The following RYR3 variants were observed in gnomAD, a reference collection of about 807,000 sequenced individuals.
RYR3 encodes the protein brain ryanodine receptor-calcium release channel.
A neutral mutation model predicts 584.3 loss-of-function variants in RYR3; 207 were observed. That is an observed-to-expected ratio of 0.35 (90% CI 0.32 to 0.40). RYR3 has a LOEUF of 0.40. Among genes scored for constraint, RYR3 ranks in the 10% least tolerant of loss-of-function variants. RYR3 has a pLI of 1.00. For synonymous variants in RYR3, 2,416 were observed against 2,248.5 expected (o/e 1.07, Z -2.11); for missense variants, 5,616 against 6,089.2 (o/e 0.92, Z 2.59).
intron 74 of RYR3, among the ~76,000 whole-genome samples, chr15:33,814,628 G>C (rs1324642842): frequency 6.6e-6 from 1 of 152,156 alleles, no homozygotes; most frequent in African/African-American, 2.4e-5. Context: ...GCCGGGCGCA[G>C]TGGCTCACTC....
intron 5 of RYR3, among the ~76,000 whole-genome samples, chr15:33,536,187 A>T (rs545254660): frequency 6.6e-6 from 1 of 152,300 alleles, no homozygotes; most frequent in African/African-American, 2.4e-5. Context: ...ACCCCTTCAG[A>T]GTTGTAAACA....
chr15:33,525,451 G>C (rs2054315669), intron 3 of RYR3, among the ~76,000 whole-genome samples: 1 of 152,198 alleles, frequency 6.6e-6, no homozygotes, highest in Non-Finnish European at 1.5e-5. Flanking sequence ...TATCGCACTA[G>C]AATTGTAATT....
chr15:33,650,291 C>T (rs768965333), intron 31 of RYR3, among the ~76,000 whole-genome samples: 5 of 152,112 alleles, frequency 3.3e-5, no homozygotes, highest in Non-Finnish European at 7.4e-5. Flanking sequence ...GCAGGAGAAT[C>T]GCTTGAACCC....
intron 38 of RYR3, among the ~76,000 whole-genome samples, chr15:33,683,140 G>A (rs920247067): frequency 2.6e-5 from 4 of 151,738 alleles, no homozygotes; most frequent in African/African-American, 2.4e-5. Context: ...GACTACAGGC[G>A]CCTGCCACCA....
chr15:33,310,980 C>T lies in RYR3; in HGVS notation c.-66C>T, dbSNP rs963856709. Reference sequence around the variant, plus strand: ...AAAGAGCGCAGCAGCAGTCAGCGCACGCCGAGCGGCTGCCGGGGGAAGCAG... The same window carrying T: ...AAAGAGCGCAGCAGCAGTCAGCGCATGCCGAGCGGCTGCCGGGGGAAGCAG... On this transcript the variant is annotated 5_prime_UTR_variant, in exon 1 of 104. It adds an upstream start codon to the 5' untranslated region. Transcript: ENST00000634891. The T allele has an allele frequency of 2.3e-6, 3 of 1,296,984 alleles. No individual in the cohort carries two copies. Among genetic ancestry groups the T allele is most frequent in the African/African-American group, 1.5e-5 (1 of 66,432 alleles). The allele number at this position is 1,296,984 out of a possible 1,614,324, so 80.3% of individuals were successfully genotyped here. A position where few individuals can be genotyped will look rare whatever the true frequency, so the allele number is the denominator to read the frequency against.
intron 1 of RYR3, among the ~76,000 whole-genome samples, chr15:33,354,792 T>C (rs1286574321): frequency 6.6e-6 from 1 of 152,242 alleles, no homozygotes; most frequent in East Asian, 1.9e-4. Context: ...AATTCACAAG[T>C]AAAGTAGTTG....
At chr15:33,327,803 G>A (rs1026196576) in intron 1 of RYR3, among the ~76,000 whole-genome samples, 2 of 151,884 alleles carry the variant, frequency 1.3e-5, no homozygotes, top group Non-Finnish European at 2.9e-5. Context: ...CAGTGACTCA[G>A]TGATTACTTG....
intron 1 of RYR3, among the ~76,000 whole-genome samples, chr15:33,312,854 T>C (rs1461569496): frequency 6.6e-6 from 1 of 152,196 alleles, no homozygotes; most frequent in African/African-American, 2.4e-5. Context: ...TCTGGCATTG[T>C]AAGTGTTTTT....
chr15:33,613,349 T>C lies in RYR3; in HGVS notation c.2331T>C (p.Pro777=), dbSNP rs2060289397. The C allele has an allele frequency of 2.5e-6, 4 of 1,608,458 alleles. No homozygotes were observed. The East Asian group carries it at 6.7e-5, about 27-fold the overall frequency. Residue 777 remains proline (P), a synonymous_variant, in exon 19 of 104, where the codon CCT becomes CCC. Coordinates refer to ENST00000634891, the MANE Select transcript of RYR3 (RefSeq NM_001036.6). The part of the protein sequence containing the change: ...ENFNTDGLFF[P]VMSFSAGVKV... ...TCAACACAGACGGGCTCTTCTTCCC[T>C]GTGATGAGCTTTTCAGCAGGTGTCA...
rs191099913 is a variant in RYR3 at position 33,796,066 on chromosome 15, G to C, written c.9831-4704G>C. The stretch of plus-strand genomic sequence containing the variant: ...AGCTCTTACCTCCAAAGTTGACACA[G>C]GAGCGTGGCTTCCTTTTCTTTCAAA... On this transcript the variant is annotated intron_variant, in intron 67 of 103. Transcript: ENST00000634891. Among the ~76,000 whole-genome samples the C allele has an allele frequency of 3.9e-4, 60 of 152,296 alleles. No individual in the cohort carries two copies. The East Asian group carries it at 0.012, about 29-fold the overall frequency.
At position 33,503,653 on chromosome 15, in the gene RYR3, T is replaced by G; in HGVS notation, c.194T>G (p.Val65Gly). The change falls in exon 3 of 104, where the codon GTC (valine) becomes GGC (glycine). Residue 65 changes from valine to glycine, a missense_variant. This residue lies in a region of RYR3 where 1,284 missense variants were observed against 1,344.6 expected (regional missense o/e 0.95). Transcript: ENST00000634891. ...CAGTACATTCCTCCAGATCTCTGCG[T>G]CTGCAATTTTGTGCTGGAACAGTCC... ...EAKYIPPDLC[V>G]CNFVLEQSLS... 2 of 1,611,276 alleles carry G rather than the reference T, an allele frequency of 1.2e-6. No individual in the cohort carries two copies. Among genetic ancestry groups the G allele is most frequent in the Non-Finnish European group, 1.7e-6 (2 of 1,178,062 alleles).
At chr15:33,609,997 T>C (rs2060097744) in intron 18 of RYR3, among the ~76,000 whole-genome samples, 1 of 152,204 alleles carries the variant, frequency 6.6e-6, no homozygotes, top group South Asian at 2.1e-4. Context: ...TTGTTCCTCT[T>C]TCTCAGTGGT....
chr15:33,865,102 A>ACAAAAACAAACTGGGTTTTAGCTTT, intron 103 of RYR3, 29 bp from the exon 104 acceptor site: 1 of 1,564,458 alleles, frequency 6.4e-7, no homozygotes. Flanking sequence ...TGGTTTAAAA[A>ACAAAAACAAACTGGGTTTTAGCTTT]TAAGCACCCG....
chr15:33,343,703 A>G (rs28689180), intron 1 of RYR3, among the ~76,000 whole-genome samples: 19,420 of 152,124 alleles, frequency 0.13, 1,657 homozygotes, highest in East Asian at 0.27. Flanking sequence ...TACTTTGCCA[A>G]TTATTCTTAT....
chr15:33,467,139 A>G (rs2048555085), intron 1 of RYR3, among the ~76,000 whole-genome samples: 1 of 152,268 alleles, frequency 6.6e-6, no homozygotes, highest in African/African-American at 2.4e-5. Context: ...CTGATGTTTA[A>G]GATGAGTAGG....
chr15:33,428,886 T>C (rs2044877679), intron 1 of RYR3, among the ~76,000 whole-genome samples: 1 of 152,080 alleles, frequency 6.6e-6, no homozygotes, highest in African/African-American at 2.4e-5. Flanking sequence ...TAACACAATA[T>C]ACCAGGTCCC....
intron 1 of RYR3, among the ~76,000 whole-genome samples, chr15:33,468,741 A>C (rs2048684546): frequency 6.6e-6 from 1 of 152,234 alleles, no homozygotes; most frequent in African/African-American, 2.4e-5. Context: ...TGGGTGCATA[A>C]TAGACATCAG....
chr15:33,643,883 C>T (rs2061962970), intron 27 of RYR3, among the ~76,000 whole-genome samples: 1 of 152,104 alleles, frequency 6.6e-6, no homozygotes, highest in African/African-American at 2.4e-5. Context: ...GTTTTTGTGG[C>T]AGAAAATCTC....
At chr15:33,528,382 C>T (rs765981408) in intron 3 of RYR3, among the ~76,000 whole-genome samples, 4 of 152,120 alleles carry the variant, frequency 2.6e-5, no homozygotes, top group Admixed American at 6.5e-5. Context: ...GACCTTTGCC[C>T]ACATGTGCTC....
Sources: allele counts gnomAD v4.1 joint callset (sites outside exome capture counted in the v4.1 genomes callset), GRCh38; gene constraint gnomAD v4.1.1; regional missense constraint gnomAD v4.1.1; transcripts MANE v1.5; gene names NCBI Gene and HGNC (gene_info 2026-07-23, HGNC 2026-07-21).